DTNBP1: variants seen among roughly 807,000 people sequenced by gnomAD.
DTNBP1 encodes dysbindin.
Under a neutral mutation model 42.8 loss-of-function variants are expected in DTNBP1, and 35 were observed. The ratio of observed to expected loss-of-function variants is 0.82; its 90% CI spans 0.63 to 1.09. DTNBP1 has a LOEUF of 1.09. Ranked by LOEUF, DTNBP1 falls within the 50% of genes least tolerant of loss-of-function variation. The pLI is 0.00. For missense variants in DTNBP1, 457 were observed against 424.2 expected, an observed-to-expected ratio of 1.08 and a Z score of -0.68; for synonymous variants, 171 against 162.2, an observed-to-expected ratio of 1.05 and a Z score of -0.41.
intron 3 of DTNBP1, 94 bp downstream of exon 3, chr6:15,651,219 C>A: frequency 8.9e-7 from 1 of 1,125,464 alleles, no homozygotes; most frequent in Non-Finnish European, 1.3e-6. Context: ...TAAAATTTAG[C>A]TGTTTTAAGG....
chr6:15,597,380 A>C (rs1776556990), intron 6 of DTNBP1, among the ~76,000 whole-genome samples: 1 of 152,220 alleles, frequency 6.6e-6, no homozygotes, highest in Non-Finnish European at 1.5e-5. Flanking sequence ...TTTATCGAGA[A>C]CATGGCAGAT....
At chr6:15,641,877 G>C (rs943517756) in intron 3 of DTNBP1, among the ~76,000 whole-genome samples, 2 of 152,112 alleles carry the variant, frequency 1.3e-5, no homozygotes, top group African/African-American at 2.4e-5. Flanking sequence ...GCACACCTTG[G>C]GACAAAGGAA....
chr6:15,524,620 C>T lies in DTNBP1; in HGVS notation c.717G>A (p.Glu239=). The part of the protein sequence containing the change: ...SSMEVNVDML[E]QMDLMDISDQ... Reference sequence around the variant, plus strand: ...CCGATATGTCCATCAGGTCCATCTGCTCCAGCATGTCCACGTTCACTTCCA... The same window carrying T: ...CCGATATGTCCATCAGGTCCATCTGTTCCAGCATGTCCACGTTCACTTCCA... The change falls in exon 9 of 10, where the codon GAG becomes GAA. Residue 239 remains glutamate (E), a synonymous_variant. Coordinates refer to ENST00000344537, the MANE Select transcript of DTNBP1 (RefSeq NM_032122.5). 1 of 1,613,926 alleles carries T rather than the reference C, an allele frequency of 6.2e-7. No homozygotes were observed. Among genetic ancestry groups the T allele is most frequent in the Non-Finnish European group, 8.5e-7 (1 of 1,179,962 alleles).
chr6:15,554,017 A>T (rs564962641), intron 7 of DTNBP1, among the ~76,000 whole-genome samples: 28 of 152,296 alleles, frequency 1.8e-4, no homozygotes, highest in South Asian at 4.1e-4. Context: ...AATAAGAAGA[A>T]GATGCAGGGA....
intron 6 of DTNBP1, among the ~76,000 whole-genome samples, chr6:15,593,817 G>C (rs1776395014): frequency 6.6e-6 from 1 of 152,114 alleles, no homozygotes; most frequent in African/African-American, 2.4e-5. Context: ...GTAATTTTGA[G>C]GAAATAAAGG....
intron 1 of DTNBP1, among the ~76,000 whole-genome samples, chr6:15,655,393 G>A (rs1394639048): frequency 6.6e-6 from 1 of 152,066 alleles, no homozygotes; most frequent in African/African-American, 2.4e-5. Flanking sequence ...CCCAAGTGCT[G>A]GGATTAGAAG....
intron 6 of DTNBP1, among the ~76,000 whole-genome samples, chr6:15,605,486 C>G (rs996389256): frequency 9.9e-5 from 15 of 152,166 alleles, no homozygotes; most frequent in African/African-American, 3.4e-4. Flanking sequence ...CTGAAGCAGT[C>G]CTCCCCTGCC....
intron 6 of DTNBP1, among the ~76,000 whole-genome samples, chr6:15,596,875 C>T (rs990335363): frequency 5.9e-5 from 9 of 152,206 alleles, no homozygotes; most frequent in African/African-American, 2.2e-4. Flanking sequence ...CATTACCCGG[C>T]TCCTCAAGTT....
At position 15,662,948 on chromosome 6, in the gene DTNBP1, C is replaced by T. The variant is rs780629943; in HGVS notation, c.-79G>A. 1.3e-6 allele frequency: 2 copies of T among 1,584,646 alleles called. No individual in the cohort carries two copies. The highest frequency in any genetic ancestry group is 2.2e-5 in the South Asian group (2 of 90,552). ...CGCCCCCTGGGTCCCACGCCGCCAACCCCGCGCTGTCACCGCGCGCCCCGC... is the reference window on the plus strand; with the variant it reads ...CGCCCCCTGGGTCCCACGCCGCCAATCCCGCGCTGTCACCGCGCGCCCCGC... On this transcript the variant is annotated 5_prime_UTR_variant, in exon 1 of 10. Transcript: ENST00000344537.
chr6:15,639,249 G>C (rs1013370218), intron 3 of DTNBP1, among the ~76,000 whole-genome samples: 1 of 152,046 alleles, frequency 6.6e-6, no homozygotes, highest in Non-Finnish European at 1.5e-5. Flanking sequence ...GCTAACACTG[G>C]GAAAGCTGAA....
chr6:15,564,343 T>TA (rs1774971831), intron 7 of DTNBP1, among the ~76,000 whole-genome samples: 1 of 148,060 alleles, frequency 6.8e-6, no homozygotes, highest in African/African-American at 2.6e-5. Context: ...AAATAAATTT[T>TA]AAAAAACTCA....
chr6:15,574,538 TCA>T (rs1775481379), intron 7 of DTNBP1, among the ~76,000 whole-genome samples: 1 of 152,250 alleles, frequency 6.6e-6, no homozygotes, highest in African/African-American at 2.4e-5. Flanking sequence ...TTCACTTATT[TCA>T]GTTTGCTCTG....
chr6:15,617,378 C>T (rs971455723), intron 5 of DTNBP1, among the ~76,000 whole-genome samples: 5 of 151,806 alleles, frequency 3.3e-5, no homozygotes, highest in African/African-American at 1.2e-4. Context: ...AATTCTAAAA[C>T]TCATATGGAA....
chr6:15,646,294 A>G (rs913502192), intron 3 of DTNBP1, among the ~76,000 whole-genome samples: 6 of 150,958 alleles, frequency 4.0e-5, no homozygotes, highest in Non-Finnish European at 7.4e-5. Context: ...CACATATACA[A>G]TACCTAGTAT....
chr6:15,637,929 T>G (rs915093426), intron 3 of DTNBP1, 125 bp from the exon 4 acceptor site: 4 of 1,034,130 alleles, frequency 3.9e-6, no homozygotes, highest in Middle Eastern at 2.4e-4. Flanking sequence ...TGGGGACATG[T>G]TGCAAGGACA....
chr6:15,575,225 A>C (rs565705090), intron 7 of DTNBP1, among the ~76,000 whole-genome samples: 37 of 152,372 alleles, frequency 2.4e-4, no homozygotes, highest in Admixed American at 2.0e-3. Context: ...CCTACTTACC[A>C]CAAGTCTGAA....
intron 3 of DTNBP1, among the ~76,000 whole-genome samples, chr6:15,644,758 A>C (rs1436293874): frequency 6.6e-6 from 1 of 152,160 alleles, no homozygotes; most frequent in Non-Finnish European, 1.5e-5. Context: ...ACAACATACC[A>C]AAACCTCTGA....
At chr6:15,547,929 C>A (rs937647155) in intron 7 of DTNBP1, among the ~76,000 whole-genome samples, 28 of 152,108 alleles carry the variant, frequency 1.8e-4, no homozygotes, top group African/African-American at 6.3e-4. Flanking sequence ...GTATTCAAAG[C>A]TAATAGACAA....
intron 7 of DTNBP1, among the ~76,000 whole-genome samples, chr6:15,542,680 T>C (rs1003788434): frequency 6.6e-6 from 1 of 152,134 alleles, no homozygotes; most frequent in East Asian, 1.9e-4. Flanking sequence ...AAATTTTTTA[T>C]GCTTCTAATT....
Sources: allele counts gnomAD v4.1 joint callset (sites outside exome capture counted in the v4.1 genomes callset), GRCh38; gene constraint gnomAD v4.1.1; transcripts MANE v1.5; gene names NCBI Gene and HGNC (gene_info 2026-07-23, HGNC 2026-07-21).